The following LRRC4C variants were observed in gnomAD, a reference collection of about 807,000 sequenced individuals.
The protein encoded by LRRC4C is leucine rich repeat containing 4C, also known as leucine-rich repeat-containing protein 4C.
Under a neutral mutation model 33.6 loss-of-function variants are expected in LRRC4C, and 5 were observed. That is an observed-to-expected ratio of 0.15 (90% confidence interval 0.08 to 0.31). The LOEUF (loss-of-function observed/expected upper bound fraction) is 0.31. LRRC4C is among the 10% of genes least tolerant of loss of function. LRRC4C has a pLI of 1.00. For synonymous variants in LRRC4C, 329 were observed against 302.0 expected (o/e 1.09, Z -0.93); for missense variants, 560 against 796.7 (o/e 0.70, Z 3.58).
At chr11:40,684,776 C>A (rs1565633273) in intron 2 of LRRC4C, among the ~76,000 whole-genome samples, 2 of 151,724 alleles carry the variant, frequency 1.3e-5, no homozygotes, top group Non-Finnish European at 2.9e-5. Flanking sequence ...AGTTTGACAA[C>A]AAACTTGTTA....
Position 41,174,029 on chromosome 11 carries a change from G to A in LRRC4C, c.-495-240306C>T, listed in dbSNP as rs79442081. On this transcript the variant is annotated intron_variant, in intron 1 of 6. Transcript: ENST00000528697. ...GTGACCATTAATTTGTCAACTACAG[G>A]ATACCTAATCATATCAATATAATTT... Among the ~76,000 whole-genome samples the A allele has an allele frequency of 1.4e-4, 21 of 151,916 alleles. No homozygotes were observed. The East Asian group carries it at 3.5e-3, about 25-fold the overall frequency.
chr11:40,163,217 A>C (rs1009996273), intron 5 of LRRC4C, among the ~76,000 whole-genome samples: 1 of 152,250 alleles, frequency 6.6e-6, no homozygotes, highest in South Asian at 2.1e-4. Flanking sequence ...ATATCCATTA[A>C]AAGTTTCTGA....
At chr11:40,893,976 A>C (rs4466814) in intron 2 of LRRC4C, among the ~76,000 whole-genome samples, 131,066 of 151,950 alleles carry the variant, frequency 0.86, 57,131 homozygotes, top group Non-Finnish European at 0.93. Flanking sequence ...GAATTTATAC[A>C]TGGTCTTCAG....
At chr11:41,356,662 C>A (rs892669406) in intron 1 of LRRC4C, among the ~76,000 whole-genome samples, 1 of 152,102 alleles carries the variant, frequency 6.6e-6, no homozygotes, top group Non-Finnish European at 1.5e-5. Flanking sequence ...GGATGTTAGA[C>A]ACTGTGAATT....
At position 40,762,643 on chromosome 11, in the gene LRRC4C, T is replaced by C. The variant is rs145180445; in HGVS notation, c.-406-114365A>G. Among the ~76,000 whole-genome samples the C allele has an allele frequency of 4.2e-3, 637 of 152,210 alleles. 7 individuals are homozygous for C. The highest frequency in any genetic ancestry group is 0.015 in the African/African-American group (614 of 41,540). ...TGTAGTATTTTGATGAAAAGGGAGATATTTCTTTGTATGAGATGCATACCT... is the reference window on the plus strand; with the variant it reads ...TGTAGTATTTTGATGAAAAGGGAGACATTTCTTTGTATGAGATGCATACCT... On this transcript the variant is annotated intron_variant, in intron 2 of 6. Coordinates refer to ENST00000528697, the MANE Select transcript of LRRC4C (RefSeq NM_001258419.2).
intron 4 of LRRC4C, among the ~76,000 whole-genome samples, chr11:40,300,161 C>T (rs1175779002): frequency 6.6e-6 from 1 of 152,036 alleles, no homozygotes; most frequent in African/African-American, 2.4e-5. Context: ...CACAAGAACT[C>T]ACTAACGTGA....
Position 40,512,721 on chromosome 11 carries a change from C to T in LRRC4C, c.-270+135421G>A, listed in dbSNP as rs151336138. Among the ~76,000 whole-genome samples, 33 of 152,260 alleles carry T rather than the reference C, an allele frequency of 2.2e-4. No individual in the cohort carries two copies. The East Asian group carries it at 4.8e-3, about 22-fold the overall frequency. ...AGCCACCTTAAAGATCAATCCTAGCCGTGCAAAATGCCACGTCTGCGAAAT... is the reference window on the plus strand; with the variant it reads ...AGCCACCTTAAAGATCAATCCTAGCTGTGCAAAATGCCACGTCTGCGAAAT... On this transcript the variant is annotated intron_variant, in intron 3 of 6. Transcript: ENST00000528697.
At chr11:40,961,215 G>C (rs1206324422) in intron 1 of LRRC4C, among the ~76,000 whole-genome samples, 1 of 151,702 alleles carries the variant, frequency 6.6e-6, no homozygotes, top group Non-Finnish European at 1.5e-5. Context: ...TTGAATTTCT[G>C]AGACAAGAGC....
intron 5 of LRRC4C, among the ~76,000 whole-genome samples, chr11:40,165,495 A>G (rs1859515721): frequency 6.6e-6 from 1 of 152,198 alleles, no homozygotes; most frequent in Non-Finnish European, 1.5e-5. Flanking sequence ...TGAGGAGTAG[A>G]GAGAAAAACA....
chr11:41,000,402 G>A (rs1854291310), intron 1 of LRRC4C, among the ~76,000 whole-genome samples: 1 of 152,072 alleles, frequency 6.6e-6, no homozygotes, highest in African/African-American at 2.4e-5. Flanking sequence ...TAGAATAGAG[G>A]TCACAAATAT....
intron 3 of LRRC4C, among the ~76,000 whole-genome samples, chr11:40,473,321 C>A (rs1403531048): frequency 3.9e-5 from 6 of 152,132 alleles, no homozygotes; most frequent in South Asian, 2.1e-4. Context: ...TAAATGTAAT[C>A]CATCACATAA....
chr11:41,379,772 C>T (rs938377547), intron 1 of LRRC4C, among the ~76,000 whole-genome samples: 6 of 152,112 alleles, frequency 3.9e-5, no homozygotes, highest in East Asian at 3.9e-4. Flanking sequence ...AGAATAGATG[C>T]TGTGTAAGAG....
At chr11:41,326,870 A>G (rs138687862) in intron 1 of LRRC4C, among the ~76,000 whole-genome samples, 2,345 of 152,332 alleles carry the variant, frequency 0.015, 29 homozygotes, top group Middle Eastern at 0.065. Context: ...CCGATACTCT[A>G]TCACAATTAG....
At chr11:41,177,368 CT>C (rs1945251275) in intron 1 of LRRC4C, among the ~76,000 whole-genome samples, 1 of 152,110 alleles carries the variant, frequency 6.6e-6, no homozygotes, top group African/African-American at 2.4e-5. Context: ...GGAGATATTG[CT>C]TTTCCTACTT....
At chr11:40,461,407 C>G (rs937878770) in intron 3 of LRRC4C, among the ~76,000 whole-genome samples, 4 of 152,006 alleles carry the variant, frequency 2.6e-5, no homozygotes, top group Non-Finnish European at 4.4e-5. Flanking sequence ...AGAGTTGTAA[C>G]TTTCTAGTGT....
At chr11:41,319,709 C>A (rs1471734540) in intron 1 of LRRC4C, among the ~76,000 whole-genome samples, 2 of 152,060 alleles carry the variant, frequency 1.3e-5, no homozygotes, top group African/African-American at 4.8e-5. Context: ...CACCATCACG[C>A]CCAGCTAATT....
At chr11:41,356,193 C>T (rs899005811) in intron 1 of LRRC4C, among the ~76,000 whole-genome samples, 9 of 152,134 alleles carry the variant, frequency 5.9e-5, no homozygotes, top group African/African-American at 2.2e-4. Context: ...TAGACCCACC[C>T]ATTCCCAAAA....
chr11:40,878,508 C>T (rs1332478931), intron 2 of LRRC4C, among the ~76,000 whole-genome samples: 3 of 152,144 alleles, frequency 2.0e-5, no homozygotes, highest in African/African-American at 4.8e-5. Context: ...ATTCACAATA[C>T]GGTTAGTGCA....
chr11:41,323,481 T>C (rs773383806), intron 1 of LRRC4C, among the ~76,000 whole-genome samples: 26 of 152,222 alleles, frequency 1.7e-4, no homozygotes, highest in Non-Finnish European at 3.8e-4. Flanking sequence ...CCATATTGCA[T>C]TGTGATCAAC....
Sources: gnomAD v4.1 joint callset for allele counts (sites outside exome capture counted in the v4.1 genomes callset) on GRCh38, gnomAD v4.1.1 for gene constraint, MANE v1.5 for transcripts, NCBI Gene and HGNC (gene_info 2026-07-23, HGNC 2026-07-21) for gene names.